PLA2G15: variants seen among roughly 807,000 people sequenced by gnomAD.
The protein encoded by PLA2G15 is lysosomal phospholipase A and acyltransferase.
In PLA2G15, 20 loss-of-function variants were observed where a neutral mutation model predicts 40.9. The observed-to-expected ratio is 0.49, with a 90% confidence interval of 0.34 to 0.71. The LOEUF (loss-of-function observed/expected upper bound fraction) is 0.71. Ranked by LOEUF, PLA2G15 falls within the 30% of genes least tolerant of loss-of-function variation. The pLI is 0.01. For synonymous variants in PLA2G15, 223 were observed against 228.2 expected, an observed-to-expected ratio of 0.98 and a Z score of 0.21; for missense variants, 471 against 541.9, an observed-to-expected ratio of 0.87 and a Z score of 1.30.
chr16:68,259,074 C>A lies in PLA2G15; in HGVS notation c.728-72C>A. 1.5e-6 allele frequency: 2 copies of A among 1,363,426 alleles called. No individual in the cohort carries two copies. The highest frequency in any genetic ancestry group is 2.0e-6 in the Non-Finnish European group (2 of 986,954). 84.5% of individuals were successfully genotyped at this position (1,363,426 alleles called of 1,614,324 possible). On this transcript the variant is annotated intron_variant, in intron 5 of 5. Coordinates refer to ENST00000219345, the MANE Select transcript of PLA2G15 (RefSeq NM_012320.4). The surrounding 1 kb of genome is among the most constrained non-coding windows in gnomAD (Gnocchi z 6.5). ...GCCCCTGGCTGGGGTCTGGCAGGGGCCTGGTGGTGAACATGCTGCCCAACC... is the reference window on the plus strand; with the variant it reads ...GCCCCTGGCTGGGGTCTGGCAGGGGACTGGTGGTGAACATGCTGCCCAACC...
At position 68,259,369 on chromosome 16, in the gene PLA2G15, G is replaced by A. The variant is rs1190964862; in HGVS notation, c.951G>A (p.Leu317=). 6.2e-7 allele frequency: 1 copy of A among 1,614,000 alleles called. No individual in the cohort carries two copies. The highest frequency in any genetic ancestry group is 2.2e-5 in the East Asian group (1 of 44,886). Residue 317 remains leucine, a synonymous_variant, in exon 6 of 6, where the codon CTG becomes CTA. Coordinates refer to ENST00000219345, the MANE Select transcript of PLA2G15 (RefSeq NM_012320.4). The surrounding 1 kb of genome is among the most constrained non-coding windows in gnomAD (Gnocchi z 6.5). ...TCATGCGGCAGGACACAGAAGGGCT[G>A]GTGGAAGCCACGATGCCACCTGGCG... The part of the protein sequence containing the change: ...GWLMRQDTEG[L]VEATMPPGVQ...
intron 2 of PLA2G15, among the ~76,000 whole-genome samples, chr16:68,249,854 AT>A (rs1326210931): frequency 6.6e-6 from 1 of 151,768 alleles, no homozygotes; most frequent in Non-Finnish European, 1.5e-5. Context: ...AATTTTTTGT[AT>A]TTTTAGTGGA....
Position 68,259,338 on chromosome 16 carries a change from G to T in PLA2G15, c.920G>T (p.Gly307Val). The change falls in exon 6 of 6, where the codon GGC (glycine) becomes GTC (valine). Residue 307 changes from glycine to valine, a missense_variant. Transcript: ENST00000219345. This position sits in a 1 kb window ranked among gnomAD's most constrained non-coding sequence, Gnocchi z 6.5. ...TTCCAGGACATCGGCTTTGAAGATGGCTGGCTCATGCGGCAGGACACAGAA... is the reference window on the plus strand; with the variant it reads ...TTCCAGGACATCGGCTTTGAAGATGTCTGGCTCATGCGGCAGGACACAGAA... ...KFFQDIGFED[G>V]WLMRQDTEGL... The T allele has an allele frequency of 6.2e-7, 1 of 1,614,050 alleles. No individual in the cohort carries two copies. Among genetic ancestry groups the T allele is most frequent in the Non-Finnish European group, 8.5e-7 (1 of 1,180,012 alleles).
intron 5 of PLA2G15, chr16:68,256,276 T>C (rs563790845): frequency 4.8e-5 from 17 of 351,414 alleles, no homozygotes; most frequent in Non-Finnish European, 8.3e-5. Flanking sequence ...ACCCAGAGCT[T>C]ATATTCTGTA....
chr16:68,257,028 G>A (rs908051036), intron 5 of PLA2G15, among the ~76,000 whole-genome samples: 3 of 151,804 alleles, frequency 2.0e-5, no homozygotes, highest in Non-Finnish European at 2.9e-5. Context: ...CTACAGGCGC[G>A]TACCACCACA....
At chr16:68,250,424 C>T (rs2151202502) in intron 2 of PLA2G15, 3 of 221,530 alleles carry the variant, frequency 1.4e-5, no homozygotes, top group South Asian at 1.3e-4. Context: ...GCGCCCGCCA[C>T]AGTGCCCGGC....
intron 1 of PLA2G15, among the ~76,000 whole-genome samples, chr16:68,247,876 T>C (rs1330629712): frequency 6.6e-6 from 1 of 152,158 alleles, no homozygotes; most frequent in Admixed American, 6.5e-5. Flanking sequence ...GAGCATGGCA[T>C]GTGGGGGCAG....
At chr16:68,252,565 C>A (rs151128135) in intron 2 of PLA2G15, 29 of 456,032 alleles carry the variant, frequency 6.4e-5, no homozygotes, top group Non-Finnish European at 9.7e-5. Flanking sequence ...AGCCCTGAGG[C>A]GGGGTCTGTC....
At position 68,255,892 on chromosome 16, in the gene PLA2G15, G is replaced by T; in HGVS notation, c.629G>T (p.Arg210Leu). The change falls in exon 5 of 6, where the codon CGG becomes CTG. Residue 210 changes from arginine to leucine, a missense_variant. Coordinates refer to ENST00000219345, the MANE Select transcript of PLA2G15 (RefSeq NM_012320.4). The surrounding 1 kb of genome is among the most constrained non-coding windows in gnomAD (Gnocchi z 5.9). ...ATGTACACGCTCTACTTTCTGCAGC[G>T]GCAGCCGCAGGCCTGGAAGGACAAG... is the stretch of plus-strand genomic sequence containing the variant. ...GNMYTLYFLQ[R>L]QPQAWKDKYI... The T allele has an allele frequency of 6.2e-7, 1 of 1,613,792 alleles. No homozygotes were observed. The highest frequency in any genetic ancestry group is 1.7e-4 in the Middle Eastern group (1 of 5,956).
intron 2 of PLA2G15, among the ~76,000 whole-genome samples, chr16:68,252,770 C>T (rs534235625): frequency 1.3e-5 from 2 of 152,188 alleles, no homozygotes; most frequent in South Asian, 4.2e-4. Flanking sequence ...GAGTTTGAGA[C>T]CAGCATGAGC....
chr16:68,248,828 G>A, intron 1 of PLA2G15: 1 of 503,190 alleles, frequency 2.0e-6, no homozygotes, highest in Non-Finnish European at 2.6e-6. Context: ...AGGTGTGTCT[G>A]TGTTTGCTGG....
chr16:68,250,151 G>A (rs1281292114), intron 2 of PLA2G15, among the ~76,000 whole-genome samples: 1 of 142,364 alleles, frequency 7.0e-6, no homozygotes, highest in Non-Finnish European at 1.5e-5. Flanking sequence ...TACACCCTTT[G>A]CCTGATAAAT....
chr16:68,250,556 C>T (rs923531764), intron 2 of PLA2G15, among the ~76,000 whole-genome samples: 17 of 152,122 alleles, frequency 1.1e-4, no homozygotes, highest in Non-Finnish European at 2.2e-4. Flanking sequence ...CAGGCGTGAG[C>T]CACCACACCC....
intron 2 of PLA2G15, chr16:68,253,483 C>T (rs755672563): frequency 1.4e-5 from 6 of 425,676 alleles, no homozygotes; most frequent in South Asian, 8.1e-5. Flanking sequence ...TCAAGCACTT[C>T]TCCTGCCTCA....
At chr16:68,247,355 A>C (rs145031791) in intron 1 of PLA2G15, among the ~76,000 whole-genome samples, 1 of 152,304 alleles carries the variant, frequency 6.6e-6, no homozygotes, top group Non-Finnish European at 1.5e-5. Flanking sequence ...TTGCAGCCTC[A>C]GTCTCCCCAT....
intron 5 of PLA2G15, chr16:68,258,782 C>CAA (rs878922848): frequency 3.1e-4 from 53 of 168,888 alleles, no homozygotes; most frequent in South Asian, 5.7e-4. Flanking sequence ...GACCCTACTT[C>CAA]AAAAAAAAAA....
At chr16:68,253,693 T>TTTTG (rs2042374777) in intron 2 of PLA2G15, among the ~76,000 whole-genome samples, 1 of 146,460 alleles carries the variant, frequency 6.8e-6, no homozygotes, top group Admixed American at 6.8e-5. Flanking sequence ...TTTGTTTTGT[T>TTTTG]TTTTTTTTTT....
chr16:68,254,045 G>A (rs1360148310), intron 2 of PLA2G15, among the ~76,000 whole-genome samples: 1 of 152,072 alleles, frequency 6.6e-6, no homozygotes, highest in African/African-American at 2.4e-5. Flanking sequence ...GGATACGTTG[G>A]GCTGGCAGGA....
In PLA2G15 at chr16:68,255,295, C is replaced by T. The variant is rs368414146; in HGVS notation, c.417C>T (p.His139=). The change falls in exon 4 of 6, where the codon CAC becomes CAT. Residue 139 remains histidine (H), a synonymous_variant. Transcript: ENST00000219345. This position sits in a 1 kb window ranked among gnomAD's most constrained non-coding sequence, Gnocchi z 5.9. ...PSKSSVGSYF[H]TMVESLVGWG... ...TTCTGTCTACAGGTTCCTATTTCCA[C>T]ACCATGGTGGAGAGCCTTGTGGGCT... is the stretch of plus-strand genomic sequence containing the variant. 3.3e-5 allele frequency: 54 copies of T among 1,613,264 alleles called. 1 individual carries two copies. Among genetic ancestry groups the T allele is most frequent in the Non-Finnish European group, 4.4e-5 (52 of 1,179,398 alleles).
Sources: gnomAD v4.1 joint callset for allele counts (sites outside exome capture counted in the v4.1 genomes callset) on GRCh38, gnomAD v4.1.1 for gene constraint, Gnocchi (gnomAD v3.1) non-coding constraint, MANE v1.5 for transcripts, NCBI Gene and HGNC (gene_info 2026-07-23, HGNC 2026-07-21) for gene names.